Variants in NEK9 observed in about 807,000 individuals in gnomAD.
NEK9 encodes serine/threonine-protein kinase Nek9.
Under a neutral mutation model 123.4 loss-of-function variants are expected in NEK9, and 75 were observed. That is an observed-to-expected ratio of 0.61 (90% CI 0.50 to 0.74). The LOEUF is 0.74. Among genes scored for constraint, NEK9 ranks in the 30% least tolerant of loss-of-function variants. The pLI, the probability that NEK9 is intolerant of heterozygous loss-of-function variation, is 0.00. For missense variants in NEK9, 952 were observed against 1,214.4 expected (o/e 0.78, Z 3.21); for synonymous variants, 438 against 458.7 (o/e 0.95, Z 0.58).
At chr14:75,096,068 G>A (rs550224920) in intron 17 of NEK9, among the ~76,000 whole-genome samples, 15 of 151,988 alleles carry the variant, frequency 9.9e-5, no homozygotes, top group East Asian at 1.9e-4. Flanking sequence ...CAGATCATGA[G>A]GTCAGGAGTT....
chr14:75,099,970 A>C (rs1328399544), intron 16 of NEK9, among the ~76,000 whole-genome samples: 2 of 150,636 alleles, frequency 1.3e-5, no homozygotes, highest in African/African-American at 4.9e-5. Flanking sequence ...CTGTACTAAA[A>C]ATACAAAAAT....
chr14:75,100,541 T>C (rs958655683), intron 16 of NEK9, among the ~76,000 whole-genome samples: 11 of 152,140 alleles, frequency 7.2e-5, no homozygotes, highest in Non-Finnish European at 4.4e-5. Flanking sequence ...ATACATAATA[T>C]AGCGGAAAGC....
chr14:75,125,181 C>T (rs911351562), intron 1 of NEK9, among the ~76,000 whole-genome samples: 1 of 152,114 alleles, frequency 6.6e-6, no homozygotes, highest in African/African-American at 2.4e-5. Context: ...TTTGAAAAGA[C>T]TCTGATGAAG....
In NEK9 at chr14:75,101,266, T is replaced by C. The variant is rs905024701; in HGVS notation, c.1841-113A>G. 4.4e-6 allele frequency: 5 copies of C among 1,139,920 alleles called. No individual in the cohort carries two copies. In the African/African-American group the frequency reaches 7.8e-5, roughly 18 times the overall value. The allele number at this position is 1,139,920 out of a possible 1,614,324, so 70.6% of individuals were successfully genotyped here. A position where few individuals can be genotyped will look rare whatever the true frequency, so the allele number is the denominator to read the frequency against. ...TTCCGGTTGTTAGAATATACAAATA[T>C]AAAACTAGCCACATGATCCTGGACC... is the stretch of plus-strand genomic sequence containing the variant. On this transcript the variant is annotated intron_variant, in intron 15 of 21. Coordinates refer to ENST00000238616, the MANE Select transcript of NEK9 (RefSeq NM_033116.6).
At chr14:75,089,445 TTTCAAAC>T (rs1894136986) in intron 19 of NEK9, among the ~76,000 whole-genome samples, 1 of 152,100 alleles carries the variant, frequency 6.6e-6, no homozygotes, top group Non-Finnish European at 1.5e-5. Flanking sequence ...GCCAGGCTGG[TTTCAAAC>T]TCCTGACCTC....
rs930430688 is a variant in NEK9 at position 75,117,473 on chromosome 14, G to C, written c.631-147C>G. The C allele has an allele frequency of 3.7e-5, 29 of 790,426 alleles. No individual in the cohort carries two copies. In the Admixed American group the frequency reaches 9.1e-4, roughly 25 times the overall value. 49.0% of individuals were successfully genotyped at this position (790,426 alleles called of 1,614,324 possible). ...GATTCCAAAATGGTTTTTATGAGAC[G>C]ATGCCACTATGGAAAGAAATCTTAT... On this transcript the variant is annotated intron_variant, in intron 5 of 21. Coordinates refer to ENST00000238616, the MANE Select transcript of NEK9 (RefSeq NM_033116.6).
rs1208889056 is a variant in NEK9, at chr14:75,080,808, T to C, written c.*3756A>G. The C allele has an allele frequency of 6.7e-6, 1 of 149,290 alleles. No homozygotes were observed. Among genetic ancestry groups the C allele is most frequent in the Admixed American group, 6.7e-5 (1 of 14,944 alleles). The allele number at this position is 149,290 out of a possible 1,614,324, so 9.2% of individuals were successfully genotyped here. A position where few individuals can be genotyped will look rare whatever the true frequency, so the allele number is the denominator to read the frequency against. On this transcript the variant is annotated 3_prime_UTR_variant, in exon 22 of 22. Transcript: ENST00000238616. ...GGCGCCCACCACCACGCCCGGCTGA[T>C]TTTTTGTATTTTTAGTAGAGATGGG...
In NEK9 at chr14:75,079,800, G is replaced by C. The variant is rs753935346; in HGVS notation, c.*4764C>G. 8.5e-5 allele frequency: 13 copies of C among 152,184 alleles called. No individual in the cohort carries two copies. The highest frequency in any genetic ancestry group is 8.8e-5 in the Non-Finnish European group (6 of 68,042). 9.4% of individuals were successfully genotyped at this position (152,184 alleles called of 1,614,324 possible). On this transcript the variant is annotated 3_prime_UTR_variant, in exon 22 of 22. Coordinates refer to ENST00000238616, the MANE Select transcript of NEK9 (RefSeq NM_033116.6). ...AGACCACTGCAGTCTCACTTGGCCT[G>C]CTTCACTTCTTTACCTTATCTGCCT...
Position 75,110,378 on chromosome 14 carries a change from A to G in NEK9, c.939-7T>C. The G allele has an allele frequency of 6.2e-7, 1 of 1,607,454 alleles. No homozygotes were observed. On this transcript the variant is annotated splice_region_variant and splice_polypyrimidine_tract_variant and intron_variant, in intron 8 of 21. Coordinates refer to ENST00000238616, the MANE Select transcript of NEK9 (RefSeq NM_033116.6). ...GACTTTTTCCTCCATCTCTCTACCAAAAGAAAAGCAAAGATACATGAGTGA... is the reference window on the plus strand; with the variant it reads ...GACTTTTTCCTCCATCTCTCTACCAGAAGAAAAGCAAAGATACATGAGTGA...
chr14:75,114,921 C>T (rs528319825), intron 6 of NEK9, among the ~76,000 whole-genome samples: 108 of 152,070 alleles, frequency 7.1e-4, no homozygotes, highest in Admixed American at 3.1e-3. Context: ...TGCCCAAAAT[C>T]ACAGATAGTA....
At position 75,118,824 on chromosome 14, in the gene NEK9, A is replaced by G. The variant is rs765207731; in HGVS notation, c.630+6T>C. On this transcript the variant is annotated splice_donor_region_variant and intron_variant, in intron 5 of 21. Transcript: ENST00000238616. Reference sequence around the variant, plus strand: ...AAATAAAAATTAAGACAAGGGCAACACATACCGTCTCAGCCATGGAATACT... The same window carrying G: ...AAATAAAAATTAAGACAAGGGCAACGCATACCGTCTCAGCCATGGAATACT... The G allele has an allele frequency of 6.7e-7, 1 of 1,486,646 alleles. No individual in the cohort carries two copies. Among genetic ancestry groups the G allele is most frequent in the South Asian group, 1.1e-5 (1 of 88,172 alleles). The allele number at this position is 1,486,646 out of a possible 1,614,324, so 92.1% of individuals were successfully genotyped here.
intron 21 of NEK9, 63 bp downstream of exon 21, chr14:75,086,955 G>A (rs1452250269): frequency 6.6e-7 from 1 of 1,504,194 alleles, no homozygotes; most frequent in Non-Finnish European, 9.2e-7. Flanking sequence ...AGTACTTTGT[G>A]TTTTGTTTCT....
chr14:75,124,938 A>T (rs1229522455), intron 1 of NEK9, among the ~76,000 whole-genome samples: 1 of 139,514 alleles, frequency 7.2e-6, no homozygotes, highest in East Asian at 2.1e-4. Flanking sequence ...ACTCAGCTAA[A>T]TTTTTTTTTT....
chr14:75,127,113 T>A (rs1365847127), upstream of NEK9: 3 of 535,572 alleles, frequency 5.6e-6, no homozygotes, highest in Non-Finnish European at 9.8e-6. Context: ...TTCCTCCGCC[T>A]TTGCTTACCC....
Position 75,083,315 on chromosome 14 carries a change from G to C in NEK9, c.*1249C>G. On this transcript the variant is annotated 3_prime_UTR_variant, in exon 22 of 22. Coordinates refer to ENST00000238616, the MANE Select transcript of NEK9 (RefSeq NM_033116.6). ...ACTTGCCTAGAACTTTCTATATGAAGTTTTGTTCTTCTATGACACTATTTC... is the reference window on the plus strand; with the variant it reads ...ACTTGCCTAGAACTTTCTATATGAACTTTTGTTCTTCTATGACACTATTTC... 2.6e-6 allele frequency: 1 copy of C among 385,104 alleles called. No individual in the cohort carries two copies. Among genetic ancestry groups the C allele is most frequent in the Non-Finnish European group, 4.6e-6 (1 of 218,024 alleles). 23.9% of individuals were successfully genotyped at this position (385,104 alleles called of 1,614,324 possible).
In NEK9 at chr14:75,097,132, G is replaced by C; in HGVS notation, c.2141C>G (p.Ser714Cys). ...FGSLHHVPDL[S>C]CRGWHTILIV... is the part of the protein sequence containing the mutation. ...GAGAATGGTATGCCATCCACGGCAAGACAGGTCCGGGACATGATGCAGAGA... is the reference window on the plus strand; with the variant it reads ...GAGAATGGTATGCCATCCACGGCAACACAGGTCCGGGACATGATGCAGAGA... The change falls in exon 17 of 22, where the codon TCT becomes TGT. Residue 714 changes from serine (S) to cysteine (C), a missense_variant. Ser to Cys is a moderately radical substitution (Grantham distance 112, BLOSUM62 -1). Coordinates refer to ENST00000238616, the MANE Select transcript of NEK9 (RefSeq NM_033116.6). 1 of 1,612,118 alleles carries C rather than the reference G, an allele frequency of 6.2e-7. No homozygotes were observed. The highest frequency in any genetic ancestry group is 8.5e-7 in the Non-Finnish European group (1 of 1,179,072).
At chr14:75,095,822 C>T (rs1894363527) in intron 17 of NEK9, among the ~76,000 whole-genome samples, 2 of 151,718 alleles carry the variant, frequency 1.3e-5, no homozygotes, top group Non-Finnish European at 2.9e-5. Flanking sequence ...CCTGGGAGAG[C>T]GAAACTACAG....
intron 10 of NEK9, among the ~76,000 whole-genome samples, chr14:75,107,923 A>C (rs1894832016): frequency 6.6e-6 from 1 of 152,176 alleles, no homozygotes; most frequent in Non-Finnish European, 1.5e-5. Context: ...ATATTTAATT[A>C]CAGGTGATGG....
At chr14:75,116,537 C>T in intron 6 of NEK9, 1 of 340,868 alleles carries the variant, frequency 2.9e-6, no homozygotes, top group Non-Finnish European at 6.1e-6. Flanking sequence ...CATCTGGCTG[C>T]TGTTAATAAT....
Sources: allele counts gnomAD v4.1 joint callset (sites outside exome capture counted in the v4.1 genomes callset), GRCh38; gene constraint gnomAD v4.1.1; transcripts MANE v1.5; gene names NCBI Gene and HGNC (gene_info 2026-07-23, HGNC 2026-07-21).